PLCL1: variants seen among roughly 807,000 people sequenced by gnomAD.
PLCL1 encodes inactive phospholipase C-like protein 1.
A neutral mutation model predicts 84.4 loss-of-function variants in PLCL1; 41 were observed. That is an observed-to-expected ratio of 0.49 (90% CI 0.38 to 0.63). The LOEUF is 0.63. Among genes scored for constraint, PLCL1 ranks in the 30% least tolerant of loss-of-function variants. PLCL1 has a pLI of 0.00. For synonymous variants in PLCL1, 490 were observed against 488.3 expected, an observed-to-expected ratio of 1.00 and a Z score of -0.05; for missense variants, 1,206 against 1,367.8, an observed-to-expected ratio of 0.88 and a Z score of 1.87.
chr2:197,898,621 C>T (rs1289944744), intron 1 of PLCL1, among the ~76,000 whole-genome samples: 3 of 151,482 alleles, frequency 2.0e-5, no homozygotes, highest in African/African-American at 7.3e-5. Flanking sequence ...CTGACAAGTA[C>T]CTGTTCATCC....
At chr2:197,836,617 G>T (rs572387989) in intron 1 of PLCL1, among the ~76,000 whole-genome samples, 21 of 152,204 alleles carry the variant, frequency 1.4e-4, no homozygotes, top group Non-Finnish European at 2.4e-4. Context: ...GAGTCAAAGA[G>T]TATTTAAACT....
At chr2:197,932,612 A>G (rs1281074585) in intron 1 of PLCL1, among the ~76,000 whole-genome samples, 1 of 152,178 alleles carries the variant, frequency 6.6e-6, no homozygotes, top group Non-Finnish European at 1.5e-5. Flanking sequence ...AAGTGAGAAC[A>G]TGCAGTGTCT....
At chr2:197,890,945 A>C (rs1228975718) in intron 1 of PLCL1, among the ~76,000 whole-genome samples, 1 of 150,896 alleles carries the variant, frequency 6.6e-6, no homozygotes, top group Admixed American at 6.6e-5. Flanking sequence ...ATAAATAATC[A>C]ATGTCATTTT....
chr2:198,044,743 T>G (rs2105862601), intron 1 of PLCL1, among the ~76,000 whole-genome samples: 3 of 152,308 alleles, frequency 2.0e-5, no homozygotes, highest in Middle Eastern at 3.4e-3. Flanking sequence ...GCTCTTAATC[T>G]CAACTTCCTG....
At chr2:198,099,310 C>A (rs2105910612) in intron 3 of PLCL1, among the ~76,000 whole-genome samples, 1 of 152,022 alleles carries the variant, frequency 6.6e-6, no homozygotes, top group East Asian at 1.9e-4. Flanking sequence ...CTCAAATCGA[C>A]CATTTTTTCT....
chr2:197,837,075 T>C (rs1691207911), intron 1 of PLCL1, among the ~76,000 whole-genome samples: 1 of 152,146 alleles, frequency 6.6e-6, no homozygotes, highest in Non-Finnish European at 1.5e-5. Context: ...CATGATTTCT[T>C]CCCTGAAAGA....
At position 198,067,221 on chromosome 2, in the gene PLCL1, G is replaced by A. The variant is rs141967677; in HGVS notation, c.241-16537G>A. Among the ~76,000 whole-genome samples the A allele has an allele frequency of 3.0e-4, 45 of 149,750 alleles. No homozygotes were observed. The East Asian group carries it at 3.6e-3, about 12-fold the overall frequency. ...TCGGCTCACTGCAACCTCCCCTCCC[G>A]GATTCAAGTGATTCTCCTGCCTCAG... On this transcript the variant is annotated intron_variant, in intron 1 of 5. Transcript: ENST00000428675.
intron 1 of PLCL1, among the ~76,000 whole-genome samples, chr2:197,947,466 G>T (rs1199555212): frequency 6.6e-6 from 1 of 151,898 alleles, no homozygotes; most frequent in East Asian, 1.9e-4. Flanking sequence ...ACTGGAGCTG[G>T]GCAGAGGGTG....
chr2:197,939,751 G>T (rs1212343238), intron 1 of PLCL1, among the ~76,000 whole-genome samples: 97 of 149,534 alleles, frequency 6.5e-4, no homozygotes, highest in Non-Finnish European at 3.4e-4. Flanking sequence ...CAGAGGAGGG[G>T]ACACACAATT....
rs555777639 is a variant in PLCL1 at position 197,998,455 on chromosome 2, C to G, written c.241-85303C>G. On this transcript the variant is annotated intron_variant, in intron 1 of 5. Coordinates refer to ENST00000428675, the MANE Select transcript of PLCL1 (RefSeq NM_006226.4). ...AAACAGTGATGGTTTCATAGATGTC[C>G]AAGTTGCTGCTACCTTTGTAAAATC... Among the ~76,000 whole-genome samples the G allele has an allele frequency of 1.7e-3, 256 of 152,014 alleles. 1 individual carries two copies. Among genetic ancestry groups the G allele is most frequent in the Non-Finnish European group, 2.3e-3 (159 of 67,958 alleles).
At chr2:198,002,727 G>A (rs1432400938) in intron 1 of PLCL1, among the ~76,000 whole-genome samples, 1 of 152,150 alleles carries the variant, frequency 6.6e-6, no homozygotes, top group Non-Finnish European at 1.5e-5. Flanking sequence ...CCAGGCTGTG[G>A]GATCTTGAGT....
chr2:198,137,606 T>C (rs1694285580), intron 5 of PLCL1, among the ~76,000 whole-genome samples: 1 of 152,078 alleles, frequency 6.6e-6, no homozygotes, highest in Non-Finnish European at 1.5e-5. Context: ...CAGGCAAGCA[T>C]AAAAAAATCC....
At chr2:197,820,474 A>G (rs1690794203) in intron 1 of PLCL1, among the ~76,000 whole-genome samples, 1 of 152,074 alleles carries the variant, frequency 6.6e-6, no homozygotes, top group South Asian at 2.1e-4. Flanking sequence ...TCAAAGTGTG[A>G]TTTCCATATA....
chr2:197,846,280 A>G (rs1297447186), intron 1 of PLCL1, among the ~76,000 whole-genome samples: 6 of 152,114 alleles, frequency 3.9e-5, no homozygotes, highest in Non-Finnish European at 8.8e-5. Flanking sequence ...TAATAAGAGA[A>G]AACAATCAGG....
intron 1 of PLCL1, among the ~76,000 whole-genome samples, chr2:197,938,913 GA>G (rs1303001889): frequency 6.6e-6 from 1 of 152,194 alleles, no homozygotes; most frequent in Non-Finnish European, 1.5e-5. Flanking sequence ...GCAATATTAA[GA>G]GTGGAAAGAT....
chr2:197,897,182 TC>T lies in PLCL1; in HGVS notation c.240+91844del, dbSNP rs1559038657. Among the ~76,000 whole-genome samples, 16 of 45,924 alleles carry T rather than the reference TC, an allele frequency of 3.5e-4. 1 individual carries two copies. Among genetic ancestry groups the T allele is most frequent in the African/African-American group, 1.6e-3 (15 of 9,534 alleles). The allele number at this position is 45,924 out of a possible 152,430, so 30.1% of individuals were successfully genotyped here. ...TTCTTCTTCTTCTTCTTCTTCTTCT[TC>T]TTCTTCTCCTTCTCCTTCTTCTTTC... On this transcript the variant is annotated intron_variant, in intron 1 of 5. Coordinates refer to ENST00000428675, the MANE Select transcript of PLCL1 (RefSeq NM_006226.4).
In PLCL1 at chr2:198,084,145, G is replaced by A. The variant is rs145576150; in HGVS notation, c.628G>A (p.Val210Met). 11 of 1,614,038 alleles carry A rather than the reference G, an allele frequency of 6.8e-6. No individual in the cohort carries two copies. The African/African-American group carries it at 1.2e-4, about 18-fold the overall frequency. The change falls in exon 2 of 6, where the codon GTG becomes ATG. Residue 210 changes from valine to methionine, a missense_variant. Physicochemically the swap from Val to Met is conservative, Grantham distance 21. Transcript: ENST00000428675. ...GGACCTAGTTGCCAATTCAGCAGAT[G>A]TGGCAAACATCTGGGTGTCTGGGTT... ...SLDLVANSAD[V>M]ANIWVSGLRY...
At chr2:197,903,975 G>T (rs996754229) in intron 1 of PLCL1, among the ~76,000 whole-genome samples, 6 of 150,930 alleles carry the variant, frequency 4.0e-5, no homozygotes, top group Non-Finnish European at 8.8e-5. Flanking sequence ...ACTAATTTTT[G>T]TATTTTTAGT....
chr2:197,849,008 A>T (rs1434345276), intron 1 of PLCL1, among the ~76,000 whole-genome samples: 1 of 152,192 alleles, frequency 6.6e-6, no homozygotes, highest in African/African-American at 2.4e-5. Context: ...CCTAGGTGCT[A>T]AGTGAATTGA....
Sources: allele counts gnomAD v4.1 joint callset (sites outside exome capture counted in the v4.1 genomes callset), GRCh38; gene constraint gnomAD v4.1.1; transcripts MANE v1.5; gene names NCBI Gene and HGNC (gene_info 2026-07-23, HGNC 2026-07-21).